The following SLC28A3 variants were observed in gnomAD, a reference collection of about 807,000 sequenced individuals.
The protein encoded by SLC28A3 is concentrative Na(+)-nucleoside cotransporter 3.
In SLC28A3, 68 loss-of-function variants were observed where a neutral mutation model predicts 84.2. The ratio of observed to expected loss-of-function variants is 0.81; its 90% confidence interval spans 0.66 to 0.99. SLC28A3 has a LOEUF of 0.99. Ranked by LOEUF, SLC28A3 falls within the 50% of genes least tolerant of loss-of-function variation. The pLI, the probability that SLC28A3 is intolerant of heterozygous loss-of-function variation, is 0.00. For missense variants in SLC28A3, 712 were observed against 841.5 expected (o/e 0.85, Z 1.90); for synonymous variants, 267 against 303.6 (o/e 0.88, Z 1.25).
At chr9:84,363,626 T>C in the SLC28A3 span, among the ~76,000 whole-genome samples, 2 of 152,298 alleles carry the variant, frequency 1.3e-5, no homozygotes, top group East Asian at 1.9e-4. Context: ...ATCAGAATCA[T>C]CTAAGTGTTT....
intron 1 of SLC28A3, among the ~76,000 whole-genome samples, chr9:84,331,082 T>C (rs1473903986): frequency 1.3e-5 from 2 of 152,164 alleles, no homozygotes; most frequent in Admixed American, 6.5e-5. Flanking sequence ...CCTCTCTCTC[T>C]GAGATGCCAT....
chr9:84,285,649 A>G, intron 13 of SLC28A3, 107 bp from the exon 14 acceptor site: 1 of 1,211,938 alleles, frequency 8.3e-7, no homozygotes, highest in Non-Finnish European at 1.2e-6. Context: ...TTAGGCAAAG[A>G]AATTCCTTCT....
At chr9:84,343,018 C>T (rs968947327), upstream of SLC28A3, among the ~76,000 whole-genome samples, 1 of 152,010 alleles carries the variant, frequency 6.6e-6, no homozygotes, top group Non-Finnish European at 1.5e-5. Context: ...CAAAAATTAG[C>T]CAGGCATGGT....
At chr9:84,288,221 T>C (rs779772748) in intron 11 of SLC28A3, 43 bp from the exon 12 acceptor site, 10 of 1,611,926 alleles carry the variant, frequency 6.2e-6, no homozygotes, top group Non-Finnish European at 7.6e-6. Flanking sequence ...GATTAGCTTT[T>C]TTCTTGTGTT....
intron 1 of SLC28A3, among the ~76,000 whole-genome samples, chr9:84,324,937 TG>T (rs1826501968): frequency 6.6e-6 from 1 of 152,228 alleles, no homozygotes; most frequent in Admixed American, 6.5e-5. Context: ...TTTAGGGCCA[TG>T]TTTTATGGAG....
intron 17 of SLC28A3, 136 bp from the exon 18 acceptor site, chr9:84,278,480 G>A: frequency 8.9e-7 from 1 of 1,125,170 alleles, no homozygotes; most frequent in Non-Finnish European, 1.2e-6. Flanking sequence ...GTGGATTAAA[G>A]GACAGAGACA....
chr9:84,358,127 C>T, the SLC28A3 span, among the ~76,000 whole-genome samples: 3 of 152,190 alleles, frequency 2.0e-5, no homozygotes, highest in African/African-American at 7.2e-5. Flanking sequence ...ACTTTCTGTT[C>T]TGCTGAACCC....
chr9:84,286,154 CAG>C, intron 12 of SLC28A3, 43 bp from the exon 13 acceptor site: 1 of 1,588,102 alleles, frequency 6.3e-7, no homozygotes, highest in Non-Finnish European at 8.6e-7. Flanking sequence ...AAGGAGTTGT[CAG>C]GGGATGGACA....
intron 13 of SLC28A3, 110 bp from the exon 14 acceptor site, chr9:84,285,652 T>G: frequency 8.5e-7 from 1 of 1,177,124 alleles, no homozygotes; most frequent in Admixed American, 2.1e-5. Flanking sequence ...GGCAAAGAAA[T>G]TCCTTCTTCC....
intron 1 of SLC28A3, among the ~76,000 whole-genome samples, chr9:84,320,391 T>C (rs11140521): frequency 0.094 from 14,335 of 152,006 alleles, 2,195 homozygotes; most frequent in African/African-American, 0.32. Flanking sequence ...AAATCACCCT[T>C]GCCAAAGACA....
intron 1 of SLC28A3, among the ~76,000 whole-genome samples, chr9:84,335,235 T>C (rs983900794): frequency 2.0e-5 from 3 of 152,168 alleles, no homozygotes; most frequent in Non-Finnish European, 2.9e-5. Context: ...ACTTTATTCC[T>C]AGATTTTCTA....
intron 8 of SLC28A3, among the ~76,000 whole-genome samples, chr9:84,295,139 C>T (rs1012135871): frequency 6.6e-6 from 1 of 152,102 alleles, no homozygotes; most frequent in Non-Finnish European, 1.5e-5. Flanking sequence ...ATGGTGCCCC[C>T]CCTACTGAAG....
chr9:84,286,144 AAGG>A, intron 12 of SLC28A3, 33 bp from the exon 13 acceptor site: 1 of 1,605,882 alleles, frequency 6.2e-7, no homozygotes, highest in Non-Finnish European at 8.5e-7. Context: ...CAGAATTACC[AAGG>A]AGTTGTCAGG....
intron 1 of SLC28A3, among the ~76,000 whole-genome samples, chr9:84,322,109 T>C (rs912923336): frequency 1.3e-5 from 2 of 152,252 alleles, no homozygotes; most frequent in African/African-American, 4.8e-5. Context: ...CAGTAAAAGA[T>C]ATTAAGAGGC....
chr9:84,368,011 G>A, the SLC28A3 span, among the ~76,000 whole-genome samples: 2 of 152,088 alleles, frequency 1.3e-5, no homozygotes, highest in Admixed American at 6.6e-5. Context: ...CCTCAGCACA[G>A]ACCCTTTATG....
chr9:84,332,262 T>A (rs1826817440), intron 1 of SLC28A3, among the ~76,000 whole-genome samples: 1 of 152,118 alleles, frequency 6.6e-6, no homozygotes, highest in African/African-American at 2.4e-5. Context: ...TGGGACAATA[T>A]GGGAGGAAAA....
At chr9:84,346,541 G>A in the SLC28A3 span, among the ~76,000 whole-genome samples, 5 of 152,274 alleles carry the variant, frequency 3.3e-5, no homozygotes, top group Non-Finnish European at 7.3e-5. Flanking sequence ...ACTTGAAGTA[G>A]TTAAATAAAT....
chr9:84,307,517 A>G (rs1258290948), intron 3 of SLC28A3, among the ~76,000 whole-genome samples: 1 of 152,220 alleles, frequency 6.6e-6, no homozygotes, highest in Non-Finnish European at 1.5e-5. Flanking sequence ...CATAAGAACA[A>G]TAGGTATCAC....
At position 84,300,449 on chromosome 9, in the gene SLC28A3, C is replaced by T. The variant is rs571847117; in HGVS notation, c.525-724G>A. On this transcript the variant is annotated intron_variant, in intron 5 of 17. Coordinates refer to ENST00000376238, the MANE Select transcript of SLC28A3 (RefSeq NM_001199633.2). ...GCCCTTGGGGGACCTCACCAGCGGCCGAGAGGGAGATCAGACGTTAGGGCA... is the reference window on the plus strand; with the variant it reads ...GCCCTTGGGGGACCTCACCAGCGGCTGAGAGGGAGATCAGACGTTAGGGCA... Among the ~76,000 whole-genome samples the T allele has an allele frequency of 1.5e-4, 23 of 152,252 alleles. No homozygotes were observed. In the South Asian group the frequency reaches 3.9e-3, roughly 26 times the overall value.
Sources: allele counts gnomAD v4.1 joint callset (sites outside exome capture counted in the v4.1 genomes callset), GRCh38; gene constraint gnomAD v4.1.1; transcripts MANE v1.5; gene names NCBI Gene and HGNC (gene_info 2026-07-23, HGNC 2026-07-21).